Variants in CTIF observed in about 807,000 individuals in gnomAD.
CTIF encodes the protein CBP80/20-dependent translation initiation factor.
CTIF carries 21 observed loss-of-function variants against 66.0 expected under a neutral mutation model. That is an observed-to-expected ratio of 0.32 (90% CI 0.23 to 0.46). CTIF has a LOEUF of 0.46. CTIF is among the 20% of genes least tolerant of loss of function. The pLI is 1.00. For missense variants in CTIF, 739 were observed against 812.7 expected (o/e 0.91, Z 1.10); for synonymous variants, 345 against 326.4 (o/e 1.06, Z -0.62).
chr18:48,768,549 T>C (rs1909796046), intron 9 of CTIF, among the ~76,000 whole-genome samples: 1 of 152,178 alleles, frequency 6.6e-6, no homozygotes, highest in Non-Finnish European at 1.5e-5. Flanking sequence ...CGAGGCTAGC[T>C]GGAGCTTCTG....
intron 9 of CTIF, among the ~76,000 whole-genome samples, chr18:48,786,690 C>A (rs1480418794): frequency 6.6e-6 from 1 of 152,158 alleles, no homozygotes; most frequent in South Asian, 2.1e-4. Flanking sequence ...CAATGTTTGC[C>A]CTTTGGCCTT....
chr18:48,573,254 A>C (rs2089458373), intron 1 of CTIF, among the ~76,000 whole-genome samples: 1 of 152,220 alleles, frequency 6.6e-6, no homozygotes, highest in South Asian at 2.1e-4. Context: ...TGCTGGGGTC[A>C]GAGCAGCTTT....
chr18:48,843,988 G>C (rs1196761303), intron 10 of CTIF, among the ~76,000 whole-genome samples: 1 of 152,208 alleles, frequency 6.6e-6, no homozygotes, highest in Non-Finnish European at 1.5e-5. Context: ...AGATCAAATG[G>C]ATCTTTAAAA....
At chr18:48,752,376 A>G (rs942389551) in intron 7 of CTIF, among the ~76,000 whole-genome samples, 1 of 152,190 alleles carries the variant, frequency 6.6e-6, no homozygotes, top group East Asian at 1.9e-4. Flanking sequence ...TGGCAATTAC[A>G]GGGCCCGTGT....
At chr18:48,590,555 T>A (rs539756310) in intron 1 of CTIF, among the ~76,000 whole-genome samples, 1 of 152,300 alleles carries the variant, frequency 6.6e-6, no homozygotes, top group South Asian at 2.1e-4. Flanking sequence ...GGTCACACAG[T>A]TAATGGCAGA....
At chr18:48,800,046 TGAA>T (rs1247329033) in intron 9 of CTIF, among the ~76,000 whole-genome samples, 1 of 152,146 alleles carries the variant, frequency 6.6e-6, no homozygotes, top group Non-Finnish European at 1.5e-5. Context: ...GACCGAGACT[TGAA>T]GGAGGTGCAT....
intron 7 of CTIF, among the ~76,000 whole-genome samples, chr18:48,726,949 C>T (rs1245190577): frequency 6.6e-6 from 1 of 152,100 alleles, no homozygotes; most frequent in African/African-American, 2.4e-5. Context: ...TCCAAAGTCT[C>T]ATCATCTAGA....
At chr18:48,588,642 C>T (rs561263108) in intron 1 of CTIF, among the ~76,000 whole-genome samples, 5 of 152,320 alleles carry the variant, frequency 3.3e-5, no homozygotes, top group East Asian at 1.9e-4. Flanking sequence ...GCTCCACATC[C>T]GTCCTTCCTT....
At chr18:48,745,125 C>T (rs756761310) in intron 7 of CTIF, among the ~76,000 whole-genome samples, 1 of 152,196 alleles carries the variant, frequency 6.6e-6, no homozygotes, top group Non-Finnish European at 1.5e-5. Flanking sequence ...CCCAGCCAAC[C>T]TGGGGCAGTT....
At chr18:48,742,652 CT>C (rs1249066382) in intron 7 of CTIF, among the ~76,000 whole-genome samples, 1 of 152,236 alleles carries the variant, frequency 6.6e-6, no homozygotes, top group Non-Finnish European at 1.5e-5. Context: ...TCATTTAACC[CT>C]CAGAAGCCAG....
chr18:48,689,778 G>T (rs1260217994), intron 6 of CTIF, among the ~76,000 whole-genome samples: 1 of 152,186 alleles, frequency 6.6e-6, no homozygotes, highest in Non-Finnish European at 1.5e-5. Context: ...GTGCAAAGGT[G>T]ACTTTCAGGG....
At chr18:48,810,163 A>C (rs1002669993) in intron 9 of CTIF, among the ~76,000 whole-genome samples, 2 of 152,250 alleles carry the variant, frequency 1.3e-5, no homozygotes, top group African/African-American at 4.8e-5. Context: ...TTTTATACTA[A>C]GCCTTTGAAA....
In CTIF at chr18:48,757,936, CG is replaced by C. The variant is rs1568192695; in HGVS notation, c.608del (p.Gly203AlafsTer53). 1 of 1,612,556 alleles carries C rather than the reference CG, an allele frequency of 6.2e-7. No individual in the cohort carries two copies. Among genetic ancestry groups the C allele is most frequent in the Non-Finnish European group, 8.5e-7 (1 of 1,179,138 alleles). ...GTTTGCAGGCGGCAGCAGAGACCTC[CG>C]GGGGGCAACAAGCCCCAACAGCATG... ...RNDRRRQQRP[P>X]GGNKPQQHGD... On this transcript the variant is annotated frameshift_variant, in exon 8 of 12. Transcript: ENST00000256413. LOFTEE classifies it high-confidence loss of function.
At position 48,775,417 on chromosome 18, in the gene CTIF, G is replaced by A. The variant is rs572391768; in HGVS notation, c.1371+13728G>A. On this transcript the variant is annotated intron_variant, in intron 9 of 11. Transcript: ENST00000256413. Reference sequence around the variant, plus strand: ...AGGGGAGGTCCCAGGCAGGGAAAGCGCCATGAGATGCCCACGCAGAGATTC... The same window carrying A: ...AGGGGAGGTCCCAGGCAGGGAAAGCACCATGAGATGCCCACGCAGAGATTC... 6.0e-3 allele frequency among the ~76,000 whole-genome samples: 912 copies of A among 152,346 alleles called. 6 individuals are homozygous for A. Among genetic ancestry groups the A allele is most frequent in the Middle Eastern group, 0.017 (5 of 294 alleles).
chr18:48,561,376 C>T (rs1156633402), intron 1 of CTIF, among the ~76,000 whole-genome samples: 1 of 152,106 alleles, frequency 6.6e-6, no homozygotes, highest in Non-Finnish European at 1.5e-5. Context: ...AAAGTGGCTC[C>T]CCCTTGTCCT....
At chr18:48,604,258 G>A (rs1598727736) in intron 1 of CTIF, among the ~76,000 whole-genome samples, 1 of 118,428 alleles carries the variant, frequency 8.4e-6, no homozygotes, top group South Asian at 3.1e-4. Context: ...CTCACTGCAA[G>A]CTCTGCCTTC....
At chr18:48,848,749 A>G (rs1377285386) in intron 10 of CTIF, among the ~76,000 whole-genome samples, 3 of 152,156 alleles carry the variant, frequency 2.0e-5, no homozygotes, top group Admixed American at 2.0e-4. Flanking sequence ...CAGGGACTCC[A>G]GGAGACTCCC....
chr18:48,797,464 T>C (rs535507891), intron 9 of CTIF, among the ~76,000 whole-genome samples: 49 of 138,218 alleles, frequency 3.5e-4, no homozygotes, highest in Non-Finnish European at 3.3e-4. Flanking sequence ...GCCTGGGTGA[T>C]AGAGCAAGAC....
rs2091884480 is a variant in CTIF, at chr18:48,688,895, A to G, written c.507+18151A>G. On this transcript the variant is annotated intron_variant, in intron 6 of 11. Coordinates refer to ENST00000256413, the MANE Select transcript of CTIF (RefSeq NM_014772.3). ...GAAAGAGGGGGAGAAAAAGAAAGGA[A>G]TGACAATCAGAGCTGCCTCTCTGTC... 3.3e-5 allele frequency among the ~76,000 whole-genome samples: 5 copies of G among 152,352 alleles called. 1 individual carries two copies. In the South Asian group the frequency reaches 1.0e-3, roughly 32 times the overall value.
Sources: allele counts gnomAD v4.1 joint callset (sites outside exome capture counted in the v4.1 genomes callset), GRCh38; gene constraint gnomAD v4.1.1; transcripts MANE v1.5; gene names NCBI Gene and HGNC (gene_info 2026-07-23, HGNC 2026-07-21).